KCNIP3: variants seen among roughly 807,000 people sequenced by gnomAD.
The protein encoded by KCNIP3 is calsenilin.
Under a neutral mutation model 35.0 loss-of-function variants are expected in KCNIP3, and 28 were observed. The observed-to-expected ratio is 0.80, with a 90% CI of 0.59 to 1.10. KCNIP3 has a LOEUF of 1.10. KCNIP3 is among the 50% of genes least tolerant of loss of function. The pLI, the probability that KCNIP3 is intolerant of heterozygous loss-of-function variation, is 0.00. For missense variants in KCNIP3, 295 were observed against 338.4 expected (o/e 0.87, Z 1.01); for synonymous variants, 134 against 133.8 (o/e 1.00, Z -0.01).
chr2:95,334,341 G>T (rs1466252454), intron 2 of KCNIP3, among the ~76,000 whole-genome samples: 1 of 152,116 alleles, frequency 6.6e-6, no homozygotes, highest in African/African-American at 2.4e-5. Flanking sequence ...TGTGCACCTG[G>T]TTCTCATGAC....
chr2:95,332,779 G>A (rs1316638820), intron 2 of KCNIP3, among the ~76,000 whole-genome samples: 1 of 152,172 alleles, frequency 6.6e-6, no homozygotes, highest in Admixed American at 6.5e-5. Flanking sequence ...TGGGGGTGGT[G>A]AAGAGCCCTG....
chr2:95,317,774 G>A (rs993287504), intron 2 of KCNIP3, among the ~76,000 whole-genome samples: 1 of 152,198 alleles, frequency 6.6e-6, no homozygotes, highest in African/African-American at 2.4e-5. Context: ...GGCTTGTGGG[G>A]GTACCGCCTG....
chr2:95,300,160 C>T (rs1366259322), intron 1 of KCNIP3, among the ~76,000 whole-genome samples: 8 of 152,206 alleles, frequency 5.3e-5, no homozygotes, highest in Non-Finnish European at 1.0e-4. Context: ...GCCGTGCGGC[C>T]GGTGGTCTGT....
intron 2 of KCNIP3, among the ~76,000 whole-genome samples, chr2:95,332,002 T>C (rs1678943720): frequency 6.6e-6 from 1 of 152,248 alleles, no homozygotes. Flanking sequence ...CGGACTTTTC[T>C]GGTCATCCCC....
Position 95,377,039 on chromosome 2 carries a change from C to T in KCNIP3, c.447+1831C>T, listed in dbSNP as rs746217832. 1.3e-5 allele frequency among the ~76,000 whole-genome samples: 2 copies of T among 152,312 alleles called. No homozygotes were observed. Among genetic ancestry groups the T allele is most frequent in the Non-Finnish European group, 1.5e-5 (1 of 68,034 alleles). ...ACAGACCTCAACAGAGCCAAGCGGGCGATGCCATCCCCACACCCCACCTTG... is the reference window on the plus strand; with the variant it reads ...ACAGACCTCAACAGAGCCAAGCGGGTGATGCCATCCCCACACCCCACCTTG... On this transcript the variant is annotated intron_variant, in intron 5 of 8. Coordinates refer to ENST00000295225, the MANE Select transcript of KCNIP3 (RefSeq NM_013434.5). The surrounding 1 kb of genome is among the most constrained non-coding windows in gnomAD (Gnocchi z 4.7).
Position 95,306,276 on chromosome 2 carries a change from ATCCACGTGTCC to A in KCNIP3, c.16-4076_16-4066del, listed in dbSNP as rs371392623. Among the ~76,000 whole-genome samples, 48 of 152,340 alleles carry A rather than the reference ATCCACGTGTCC, an allele frequency of 3.2e-4. 1 individual carries two copies. Among genetic ancestry groups the A allele is most frequent in the African/African-American group, 1.1e-3 (46 of 41,580 alleles). Reference sequence around the variant, plus strand: ...AACATCTCTTCCCGCCGCCTTTGCCATCCACGTGTCCTCTCTGGTGAAATGTCTGTGCATGT... The same window carrying A: ...AACATCTCTTCCCGCCGCCTTTGCCATCTCTGGTGAAATGTCTGTGCATGT... On this transcript the variant is annotated intron_variant, in intron 1 of 8. Coordinates refer to ENST00000295225, the MANE Select transcript of KCNIP3 (RefSeq NM_013434.5).
chr2:95,306,597 C>T (rs972310725), intron 1 of KCNIP3, among the ~76,000 whole-genome samples: 3 of 152,250 alleles, frequency 2.0e-5, no homozygotes, highest in Middle Eastern at 3.4e-3. Flanking sequence ...AGGCCTTAAA[C>T]GCCTGGGGCA....
At chr2:95,364,274 T>G (rs1477049496) in intron 2 of KCNIP3, among the ~76,000 whole-genome samples, 2 of 152,236 alleles carry the variant, frequency 1.3e-5, no homozygotes, top group African/African-American at 4.8e-5. Context: ...TCAAATGCCC[T>G]TTCTGCATTA....
intron 1 of KCNIP3, among the ~76,000 whole-genome samples, chr2:95,306,731 T>A (rs1678183043): frequency 6.6e-6 from 1 of 152,102 alleles, no homozygotes; most frequent in African/African-American, 2.4e-5. Context: ...GGTTGGGGCA[T>A]CTAATTCATG....
intron 1 of KCNIP3, among the ~76,000 whole-genome samples, chr2:95,309,405 C>T (rs915612834): frequency 4.7e-5 from 7 of 149,594 alleles, no homozygotes; most frequent in South Asian, 4.2e-4. Flanking sequence ...TGATCCACAC[C>T]GACTCAGGCA....
At chr2:95,362,066 A>G (rs1450653816) in intron 2 of KCNIP3, among the ~76,000 whole-genome samples, 1 of 150,704 alleles carries the variant, frequency 6.6e-6, no homozygotes, top group East Asian at 1.9e-4. Context: ...CTTTTGCTGC[A>G]TGCACGTGGA....
At chr2:95,340,785 G>A (rs552509632) in intron 2 of KCNIP3, among the ~76,000 whole-genome samples, 18 of 152,344 alleles carry the variant, frequency 1.2e-4, no homozygotes, top group Admixed American at 9.1e-4. Context: ...TAAGGCAGAT[G>A]CTCTAAAGCT....
At chr2:95,344,740 T>C (rs1679305004) in intron 2 of KCNIP3, among the ~76,000 whole-genome samples, 1 of 152,196 alleles carries the variant, frequency 6.6e-6, no homozygotes, top group African/African-American at 2.4e-5. Context: ...GGGTGCATTG[T>C]AGGGGCCACT....
At chr2:95,358,741 G>C (rs192045710) in intron 2 of KCNIP3, among the ~76,000 whole-genome samples, 7 of 152,320 alleles carry the variant, frequency 4.6e-5, no homozygotes, top group Admixed American at 1.3e-4. Flanking sequence ...GAGAGTAAGA[G>C]GGGCAAAACT....
chr2:95,337,316 C>T (rs1679084925), intron 2 of KCNIP3, among the ~76,000 whole-genome samples: 1 of 151,714 alleles, frequency 6.6e-6, no homozygotes, highest in Non-Finnish European at 1.5e-5. Context: ...AGTTGCTGTA[C>T]ATACTCTGTC....
In KCNIP3 at chr2:95,376,566, C is replaced by T. The variant is rs1223627100; in HGVS notation, c.447+1358C>T. On this transcript the variant is annotated intron_variant, in intron 5 of 8. Transcript: ENST00000295225. The surrounding 1 kb of genome is among the most constrained non-coding windows in gnomAD (Gnocchi z 4.2). ...CTGGGCACCTTCTCAGAAGATCACT[C>T]ATCCCTGGCATCTTCCTGGGCCTTC... Among the ~76,000 whole-genome samples the T allele has an allele frequency of 2.0e-5, 3 of 152,388 alleles. No homozygotes were observed. The highest frequency in any genetic ancestry group is 6.8e-3 in the Middle Eastern group (2 of 294).
intron 4 of KCNIP3, 47 bp from the exon 5 acceptor site, chr2:95,375,091 C>G: frequency 6.3e-7 from 1 of 1,592,440 alleles, no homozygotes; most frequent in Non-Finnish European, 8.6e-7. Flanking sequence ...GGAGATGAGC[C>G]GCCAGGCAGC....
At chr2:95,354,990 C>G (rs1246581860) in intron 2 of KCNIP3, 3 of 152,260 alleles carry the variant, frequency 2.0e-5, no homozygotes, top group Non-Finnish European at 4.4e-5. Context: ...AGAGAATGCT[C>G]TCTCTTTGGG....
At chr2:95,348,817 G>A (rs1409301034) in intron 2 of KCNIP3, among the ~76,000 whole-genome samples, 5 of 152,136 alleles carry the variant, frequency 3.3e-5, no homozygotes, top group African/African-American at 9.7e-5. Context: ...AGTCAGCCAG[G>A]CCTGTGCTGA....
Sources: gnomAD v4.1 joint callset for allele counts (sites outside exome capture counted in the v4.1 genomes callset) on GRCh38, gnomAD v4.1.1 for gene constraint, Gnocchi (gnomAD v3.1) non-coding constraint, MANE v1.5 for transcripts, NCBI Gene and HGNC (gene_info 2026-07-23, HGNC 2026-07-21) for gene names.